Variants in SNRPA observed in about 807,000 individuals in gnomAD.
SNRPA encodes the protein U1 small nuclear ribonucleoprotein A.
A neutral mutation model predicts 24.5 loss-of-function variants in SNRPA; 10 were observed. That is an observed-to-expected ratio of 0.41 (90% CI 0.25 to 0.69). SNRPA has a LOEUF of 0.69. Ranked by LOEUF, SNRPA falls within the 30% of genes least tolerant of loss-of-function variation. The probability of loss-of-function intolerance (pLI) is 0.33; values close to 1 mark genes in which losing one functional copy is unlikely to be tolerated. For missense variants in SNRPA, 283 were observed against 394.7 expected, an observed-to-expected ratio of 0.72 and a Z score of 2.40; for synonymous variants, 165 against 148.4, an observed-to-expected ratio of 1.11 and a Z score of -0.81.
Position 40,751,262 on chromosome 19 carries a change from T to G in SNRPA, c.-147T>G. The G allele has an allele frequency of 1.4e-6, 1 of 697,150 alleles. No homozygotes were observed. The highest frequency in any genetic ancestry group is 1.6e-5 in the South Asian group (1 of 63,394). The allele number at this position is 697,150 out of a possible 1,614,324, so 43.2% of individuals were successfully genotyped here. A position where few individuals can be genotyped will look rare whatever the true frequency, so the allele number is the denominator to read the frequency against. Reference sequence around the variant, plus strand: ...GCACGCTTTGTTGTCGCGCTTTGCCTCCGTCCTTGCCCCTACTCCCGCCTT... The same window carrying G: ...GCACGCTTTGTTGTCGCGCTTTGCCGCCGTCCTTGCCCCTACTCCCGCCTT... On this transcript the variant is annotated 5_prime_UTR_variant, in exon 1 of 6. Coordinates refer to ENST00000243563, the MANE Select transcript of SNRPA (RefSeq NM_004596.5).
At chr19:40,756,083 G>A (rs1377138660) in intron 1 of SNRPA, among the ~76,000 whole-genome samples, 1 of 152,022 alleles carries the variant, frequency 6.6e-6, no homozygotes, top group Non-Finnish European at 1.5e-5. Context: ...GACCAACCTG[G>A]CCAACATAGG....
At chr19:40,754,080 C>T (rs929017585) in intron 1 of SNRPA, among the ~76,000 whole-genome samples, 6 of 143,662 alleles carry the variant, frequency 4.2e-5, no homozygotes, top group Admixed American at 2.2e-4. Context: ...GGATTACAGG[C>T]GTCAGCCCCA....
At position 40,751,390 on chromosome 19, in the gene SNRPA, T is replaced by G; in HGVS notation, c.-19T>G. On this transcript the variant is annotated 5_prime_UTR_variant, in exon 1 of 6. Coordinates refer to ENST00000243563, the MANE Select transcript of SNRPA (RefSeq NM_004596.5). ...GTCACGTTTTTCCTCCTTTAAGACTTACCTCAACACTTCACTCCATGGCAG... is the reference window on the plus strand; with the variant it reads ...GTCACGTTTTTCCTCCTTTAAGACTGACCTCAACACTTCACTCCATGGCAG... The G allele has an allele frequency of 6.3e-7, 1 of 1,598,454 alleles. No homozygotes were observed. Among genetic ancestry groups the G allele is most frequent in the Non-Finnish European group, 8.6e-7 (1 of 1,165,772 alleles).
At chr19:40,755,062 A>G (rs1447002762) in intron 1 of SNRPA, among the ~76,000 whole-genome samples, 1 of 151,508 alleles carries the variant, frequency 6.6e-6, no homozygotes, top group South Asian at 2.1e-4. Flanking sequence ...CTATTTTACA[A>G]GTGGCTTCTG....
At chr19:40,757,173 C>A (rs2082911956) in intron 1 of SNRPA, 159 bp from the exon 2 acceptor site, 2 of 639,974 alleles carry the variant, frequency 3.1e-6, no homozygotes, top group African/African-American at 1.8e-5. Context: ...TGTACTTGGC[C>A]ACTTGAGTGG....
Position 40,765,100 on chromosome 19 carries a change from G to A in SNRPA, c.782G>A (p.Arg261His), listed in dbSNP as rs1474315870. 6 of 1,587,748 alleles carry A rather than the reference G, an allele frequency of 3.8e-6. No individual in the cohort carries two copies. Among genetic ancestry groups the A allele is most frequent in the Non-Finnish European group, 3.4e-6 (4 of 1,168,670 alleles). Reference sequence around the variant, plus strand: ...AATGAGGTACAGGCAGGGGCAGCTCGCGATGCCCTGCAGGGCTTTAAGATC... The same window carrying A: ...AATGAGGTACAGGCAGGGGCAGCTCACGATGCCCTGCAGGGCTTTAAGATC... ...FDNEVQAGAA[R>H]DALQGFKITQ... is the part of the protein sequence containing the mutation. The change falls in exon 6 of 6, where the codon CGC becomes CAC. Residue 261 changes from arginine (R) to histidine (H), a missense_variant. Arg to His is a conservative substitution (Grantham distance 29). This residue lies in a region of SNRPA where 51 missense variants were observed against 110.3 expected (regional missense o/e 0.46). Transcript: ENST00000243563.
intron 2 of SNRPA, among the ~76,000 whole-genome samples, chr19:40,758,270 A>T (rs909804331): frequency 1.3e-5 from 2 of 152,046 alleles, no homozygotes; most frequent in African/African-American, 4.8e-5. Flanking sequence ...CCACACTAAG[A>T]ATCTTTAACA....
At chr19:40,761,282 A>C (rs2082930424) in intron 3 of SNRPA, among the ~76,000 whole-genome samples, 1 of 152,012 alleles carries the variant, frequency 6.6e-6, no homozygotes, top group African/African-American at 2.4e-5. Flanking sequence ...CACTTCACTG[A>C]GGAAAGGACT....
chr19:40,757,946 A>T (rs1428190933), intron 2 of SNRPA, among the ~76,000 whole-genome samples: 7 of 149,586 alleles, frequency 4.7e-5, no homozygotes, highest in South Asian at 2.1e-4. Flanking sequence ...TGTCTCAGAA[A>T]AAATAAATAA....
chr19:40,759,794 T>G (rs2082924178), intron 3 of SNRPA, among the ~76,000 whole-genome samples, 184 bp downstream of exon 3: 1 of 152,172 alleles, frequency 6.6e-6, no homozygotes, highest in South Asian at 2.1e-4. Context: ...TGATGCTATC[T>G]CCTTTCGAAA....
At chr19:40,753,519 C>T (rs1026219809) in intron 1 of SNRPA, among the ~76,000 whole-genome samples, 11 of 147,762 alleles carry the variant, frequency 7.4e-5, no homozygotes, top group Non-Finnish European at 1.6e-4. Context: ...GCCTCAGCCT[C>T]CCGAGTAGCT....
At chr19:40,761,815 C>T (rs550103106) in intron 3 of SNRPA, among the ~76,000 whole-genome samples, 1 of 152,172 alleles carries the variant, frequency 6.6e-6, no homozygotes, top group African/African-American at 2.4e-5. Context: ...TCTAAATGAC[C>T]TTGGTGAGGG....
At chr19:40,764,451 C>G (rs1052054812) in intron 5 of SNRPA, among the ~76,000 whole-genome samples, 1 of 152,086 alleles carries the variant, frequency 6.6e-6, no homozygotes, top group African/African-American at 2.4e-5. Context: ...AAAAGGATAC[C>G]TAGTAAACAT....
intron 2 of SNRPA, chr19:40,758,986 T>C (rs2082919699): frequency 6.6e-6 from 1 of 151,838 alleles, no homozygotes; most frequent in Admixed American, 6.6e-5. Context: ...GGTGGGTGGA[T>C]CACCTGAGGT....
At chr19:40,763,529 T>G in intron 4 of SNRPA, 58 bp from the exon 5 acceptor site, 2 of 1,323,428 alleles carry the variant, frequency 1.5e-6, no homozygotes, top group East Asian at 4.6e-5. Context: ...GGCAGTACTA[T>G]GGGTCTCCCA....
At chr19:40,752,779 T>C (rs897807580) in intron 1 of SNRPA, among the ~76,000 whole-genome samples, 2 of 151,898 alleles carry the variant, frequency 1.3e-5, no homozygotes, top group African/African-American at 4.8e-5. Flanking sequence ...AACTCAATTA[T>C]TGAAATCGGA....
rs774586607 is a variant in SNRPA, at chr19:40,765,200, G to T, written c.*33G>T. 1.4e-6 allele frequency: 2 copies of T among 1,439,606 alleles called. No homozygotes were observed. The highest frequency in any genetic ancestry group is 1.5e-5 in the African/African-American group (1 of 67,182). 89.2% of individuals were successfully genotyped at this position (1,439,606 alleles called of 1,614,324 possible). On this transcript the variant is annotated 3_prime_UTR_variant, in exon 6 of 6. Transcript: ENST00000243563. ...TCCCCCCATGCCTGCCCCTTCCCCT[G>T]TTCTGGGGCCACCCCTTTCCCCCTT...
chr19:40,765,175 T>C lies in SNRPA; in HGVS notation c.*8T>C, dbSNP rs960065790. The C allele has an allele frequency of 2.6e-6, 4 of 1,517,008 alleles. No homozygotes were observed. Among genetic ancestry groups the C allele is most frequent in the Non-Finnish European group, 3.5e-6 (4 of 1,129,126 alleles). The allele number at this position is 1,517,008 out of a possible 1,614,324, so 94.0% of individuals were successfully genotyped here. ...TCCTTTGCCAAGAAGTAGCACCTTT[T>C]CCCCCCATGCCTGCCCCTTCCCCTG... is the stretch of plus-strand genomic sequence containing the variant. On this transcript the variant is annotated 3_prime_UTR_variant, in exon 6 of 6. Transcript: ENST00000243563.
intron 1 of SNRPA, among the ~76,000 whole-genome samples, chr19:40,754,037 G>A (rs911463055): frequency 6.6e-6 from 1 of 150,488 alleles, no homozygotes; most frequent in Non-Finnish European, 1.5e-5. Flanking sequence ...TCCTGACCTC[G>A]TGATCTGCCC....
Sources: allele counts gnomAD v4.1 joint callset (sites outside exome capture counted in the v4.1 genomes callset), GRCh38; gene constraint gnomAD v4.1.1; regional missense constraint gnomAD v4.1.1; transcripts MANE v1.5; gene names NCBI Gene and HGNC (gene_info 2026-07-23, HGNC 2026-07-21).